PCDHGA9: variants seen among roughly 807,000 people sequenced by gnomAD.
PCDHGA9 encodes the protein protocadherin gamma subfamily A, 9.
PCDHGA9 carries 37 observed loss-of-function variants against 62.5 expected under a neutral mutation model. The ratio of observed to expected loss-of-function variants is 0.59; its 90% CI spans 0.46 to 0.78. PCDHGA9 has a LOEUF of 0.78. PCDHGA9 is among the 30% of genes least tolerant of loss of function. The pLI, the probability that PCDHGA9 is intolerant of heterozygous loss-of-function variation, is 0.00. For missense variants in PCDHGA9, 1,138 were observed against 1,166.2 expected (o/e 0.98, Z 0.35); for synonymous variants, 459 against 484.6 (o/e 0.95, Z 0.69).
Position 141,422,832 on chromosome 5 carries a change from A to G in PCDHGA9, c.2424+17456A>G, listed in dbSNP as rs12520854. On this transcript the variant is annotated intron_variant, in intron 1 of 3. Coordinates refer to ENST00000573521, the MANE Select transcript of PCDHGA9 (RefSeq NM_018921.3). Reference sequence around the variant, plus strand: ...GAGACTTAGAACTGAGAGTGATAGCACGTGACAGCGGGGACCCGCCCCTCA... The same window carrying G: ...GAGACTTAGAACTGAGAGTGATAGCGCGTGACAGCGGGGACCCGCCCCTCA... The G allele has an allele frequency of 6.8e-3, 10,902 of 1,614,192 alleles. 60 individuals are homozygous for G. The highest frequency in any genetic ancestry group is 7.9e-3 in the Non-Finnish European group (9,294 of 1,180,036).
At chr5:141,443,090 C>T (rs1403922939) in intron 1 of PCDHGA9, among the ~76,000 whole-genome samples, 3 of 151,926 alleles carry the variant, frequency 2.0e-5, no homozygotes, top group Non-Finnish European at 2.9e-5. Context: ...TTCCAGTCTC[C>T]TTCTCAAGCT....
In PCDHGA9 at chr5:141,511,269, C is replaced by A; in HGVS notation, c.*96C>A. The A allele has an allele frequency of 1.3e-6, 2 of 1,546,672 alleles. No homozygotes were observed. Among genetic ancestry groups the A allele is most frequent in the Non-Finnish European group, 1.7e-6 (2 of 1,145,264 alleles). The stretch of plus-strand genomic sequence containing the variant: ...AGGCCTCAGAGTTTCAGGGCTAACC[C>A]CCAGAATACTGGTAGGGGCCAAGGC... On this transcript the variant is annotated 3_prime_UTR_variant, in exon 4 of 4. Transcript: ENST00000573521.
intron 1 of PCDHGA9, chr5:141,413,353 C>A (rs2095629361): frequency 6.2e-7 from 1 of 1,613,962 alleles, no homozygotes; most frequent in East Asian, 2.2e-5. Context: ...GGGTCTGGCG[C>A]CCCGGGAGCT....
chr5:141,500,493 G>A (rs1239876467), intron 2 of PCDHGA9, among the ~76,000 whole-genome samples: 1 of 152,166 alleles, frequency 6.6e-6, no homozygotes, highest in Admixed American at 6.5e-5. Context: ...ACAGGCGTGA[G>A]CCACCGCGCC....
chr5:141,432,991 C>G lies in PCDHGA9; in HGVS notation c.2424+27615C>G, dbSNP rs1269992849. ...CGGCGTCGCACTTTGTGGGCGTGGACGGGGTGCAGGCTTTCCTGCAGACCT... is the reference window on the plus strand; with the variant it reads ...CGGCGTCGCACTTTGTGGGCGTGGAGGGGGTGCAGGCTTTCCTGCAGACCT... On this transcript the variant is annotated intron_variant, in intron 1 of 3. Transcript: ENST00000573521. The surrounding 1 kb of genome is among the most constrained non-coding windows in gnomAD (Gnocchi z 6.0). The G allele has an allele frequency of 6.2e-7, 1 of 1,614,200 alleles. No homozygotes were observed. Among genetic ancestry groups the G allele is most frequent in the Admixed American group, 1.7e-5 (1 of 60,032 alleles).
At chr5:141,406,083 T>C (rs539696065) in intron 1 of PCDHGA9, among the ~76,000 whole-genome samples, 2 of 151,900 alleles carry the variant, frequency 1.3e-5, no homozygotes, top group South Asian at 4.2e-4. Flanking sequence ...TTTTTTTTTT[T>C]TTTTAAGAGA....
intron 1 of PCDHGA9, 96 bp from the exon 2 acceptor site, chr5:141,494,711 A>G (rs757105958): frequency 6.3e-7 from 1 of 1,599,616 alleles, no homozygotes; most frequent in Non-Finnish European, 8.5e-7. Flanking sequence ...CTCTGTGCCC[A>G]CTCCCCTCCT....
intron 1 of PCDHGA9, among the ~76,000 whole-genome samples, chr5:141,420,701 T>C (rs371823252): frequency 7.2e-5 from 11 of 152,226 alleles, no homozygotes; most frequent in Admixed American, 5.9e-4. Flanking sequence ...TATTTCCACT[T>C]CCAGAAATGT....
At position 141,512,350 on chromosome 5, in the gene PCDHGA9, G is replaced by C. The variant is rs1406428686; in HGVS notation, c.*1177G>C. ...CCATTCTTAGTCCCTGGGTTGGGGA[G>C]GCAGGGAGCTAGGGCAGGGACCAAA... is the stretch of plus-strand genomic sequence containing the variant. On this transcript the variant is annotated 3_prime_UTR_variant, in exon 4 of 4. Transcript: ENST00000573521. The C allele has an allele frequency of 6.5e-6, 1 of 152,906 alleles. No homozygotes were observed. The highest frequency in any genetic ancestry group is 1.9e-4 in the East Asian group (1 of 5,208). 9.5% of individuals were successfully genotyped at this position (152,906 alleles called of 1,614,324 possible).
intron 1 of PCDHGA9, among the ~76,000 whole-genome samples, chr5:141,462,771 G>C (rs1295560657): frequency 6.6e-6 from 1 of 152,088 alleles, no homozygotes; most frequent in Non-Finnish European, 1.5e-5. Context: ...CTGGCTTGGG[G>C]TCATAATTTG....
intron 1 of PCDHGA9, chr5:141,475,816 C>A (rs1051857446): frequency 1.5e-5 from 5 of 342,872 alleles, no homozygotes; most frequent in Admixed American, 9.0e-5. Context: ...AGTGAAGTTC[C>A]TGGCGCTAGC....
At position 141,486,873 on chromosome 5, in the gene PCDHGA9, G is replaced by A. The variant is rs769661146; in HGVS notation, c.2425-7934G>A. On this transcript the variant is annotated intron_variant, in intron 1 of 3. Transcript: ENST00000573521. This position sits in a 1 kb window ranked among gnomAD's most constrained non-coding sequence, Gnocchi z 5.0. ...AATGACAATGCTCCAGCTGTGCTCCGTCCTCGGGCCCGGCCTGGTTCCTTA... is the reference window on the plus strand; with the variant it reads ...AATGACAATGCTCCAGCTGTGCTCCATCCTCGGGCCCGGCCTGGTTCCTTA... 1.6e-5 allele frequency: 26 copies of A among 1,614,082 alleles called. No individual in the cohort carries two copies. Among genetic ancestry groups the A allele is most frequent in the African/African-American group, 4.0e-5 (3 of 74,922 alleles).
intron 1 of PCDHGA9, chr5:141,430,951 C>T (rs200771871): frequency 3.2e-5 from 51 of 1,610,496 alleles, no homozygotes; most frequent in African/African-American, 1.5e-4. Context: ...AGCGCGGAGT[C>T]CGCATCATCC....
intron 1 of PCDHGA9, among the ~76,000 whole-genome samples, chr5:141,488,289 TAAGTGAA>T (rs1389982829): frequency 6.6e-6 from 1 of 152,186 alleles, no homozygotes; most frequent in Non-Finnish European, 1.5e-5. Context: ...GAAAAAACAG[TAAGTGAA>T]ATCACTTATG....
intron 1 of PCDHGA9, chr5:141,440,759 C>T (rs1160288117): frequency 1.3e-5 from 2 of 152,158 alleles, no homozygotes; most frequent in Admixed American, 6.6e-5. Flanking sequence ...AAGCAGAGCT[C>T]CCATCCCTTA....
At chr5:141,414,668 A>C in intron 1 of PCDHGA9, 1 of 1,613,856 alleles carries the variant, frequency 6.2e-7, no homozygotes, top group East Asian at 2.2e-5. Context: ...CTGGCTGAAG[A>C]CACCATCCAG....
rs765535731 is a variant in PCDHGA9, at chr5:141,427,976, G to T, written c.2424+22600G>T. On this transcript the variant is annotated intron_variant, in intron 1 of 3. Transcript: ENST00000573521. ...ATGTGCCGCGGGTGCTGTACCCCGC[G>T]CTGGGGCCCGATGGCTCCGCACTCT... 1.1e-5 allele frequency: 17 copies of T among 1,594,884 alleles called. No individual in the cohort carries two copies. The East Asian group carries it at 1.6e-4, about 15-fold the overall frequency.
At chr5:141,420,101 T>C (rs1160215468) in intron 1 of PCDHGA9, 1 of 1,613,928 alleles carries the variant, frequency 6.2e-7, no homozygotes, top group Non-Finnish European at 8.5e-7. Flanking sequence ...TGAGGGAACG[T>C]TGCCCTATGC....
Position 141,432,826 on chromosome 5 carries a change from CACTCTGTACCT to C in PCDHGA9, c.2424+27451_2424+27461del, listed in dbSNP as rs1251102522. 6.2e-7 allele frequency: 1 copy of C among 1,614,096 alleles called. No homozygotes were observed. Among genetic ancestry groups the C allele is most frequent in the Non-Finnish European group, 8.5e-7 (1 of 1,180,020 alleles). On this transcript the variant is annotated intron_variant, in intron 1 of 3. Coordinates refer to ENST00000573521, the MANE Select transcript of PCDHGA9 (RefSeq NM_018921.3). This position sits in a 1 kb window ranked among gnomAD's most constrained non-coding sequence, Gnocchi z 6.0. Reference sequence around the variant, plus strand: ...CAGCTAACTCTGAAACCTCAGACCTCACTCTGTACCTGGTGGTAGCGGTGGCCGCGGTCTCC... The same window carrying C: ...CAGCTAACTCTGAAACCTCAGACCTCGGTGGTAGCGGTGGCCGCGGTCTCC...
Sources: gnomAD v4.1 joint callset for allele counts (sites outside exome capture counted in the v4.1 genomes callset) on GRCh38, gnomAD v4.1.1 for gene constraint, Gnocchi (gnomAD v3.1) non-coding constraint, MANE v1.5 for transcripts, NCBI Gene and HGNC (gene_info 2026-07-23, HGNC 2026-07-21) for gene names.